Variants in CCDC171 observed in about 807,000 individuals in gnomAD.
The protein encoded by CCDC171 is coiled-coil domain containing 171, also known as coiled-coil domain-containing protein 171.
In CCDC171, 177 loss-of-function variants were observed where a neutral mutation model predicts 168.2. That is an observed-to-expected ratio of 1.05 (90% CI 0.93 to 1.19). The LOEUF (loss-of-function observed/expected upper bound fraction) is 1.19. CCDC171 is among the 50% of genes most tolerant of loss of function. The pLI, the probability that CCDC171 is intolerant of heterozygous loss-of-function variation, is 0.00. For missense variants in CCDC171, 1,991 were observed against 1,539.0 expected (o/e 1.29, Z -4.91); for synonymous variants, 687 against 540.8 (o/e 1.27, Z -3.75).
At chr9:16,053,130 C>T (rs1833778718) in intron 1 of CCDC171, among the ~76,000 whole-genome samples, 1 of 152,224 alleles carries the variant, frequency 6.6e-6, no homozygotes, top group South Asian at 2.1e-4. Context: ...TGTTAAGTTT[C>T]TAAGATCAAA....
rs544805074 is a variant in CCDC171 at position 15,785,480 on chromosome 9, T to A, written c.3267+786T>A. Among the ~76,000 whole-genome samples the A allele has an allele frequency of 3.9e-5, 6 of 152,250 alleles. 1 individual carries two copies. The South Asian group carries it at 1.2e-3, about 32-fold the overall frequency. On this transcript the variant is annotated intron_variant, in intron 21 of 25. Coordinates refer to ENST00000380701, the MANE Select transcript of CCDC171 (RefSeq NM_173550.4). ...TTAATAATACTATTATGATCAATGA[T>A]AAAATAGCCAAAATTTATTGTTAAC... is the stretch of plus-strand genomic sequence containing the variant.
intron 2 of CCDC171, among the ~76,000 whole-genome samples, chr9:15,569,683 C>CG (rs1373688332): frequency 6.6e-6 from 1 of 151,466 alleles, no homozygotes; most frequent in African/African-American, 2.4e-5. Flanking sequence ...GGCGTGGTGG[C>CG]GGGCGCCTGT....
At chr9:15,967,246 C>T (rs1350642016) in intron 25 of CCDC171, among the ~76,000 whole-genome samples, 1 of 152,124 alleles carries the variant, frequency 6.6e-6, no homozygotes, top group Non-Finnish European at 1.5e-5. Flanking sequence ...ACTGTAACAC[C>T]CTCTTGTGGG....
the CCDC171 span, among the ~76,000 whole-genome samples, chr9:16,067,863 T>G: frequency 6.6e-6 from 1 of 152,192 alleles, no homozygotes; most frequent in African/African-American, 2.4e-5. Context: ...TTGGTTACTG[T>G]AGCCTTGTAG....
chr9:15,640,787 C>T (rs2046546852), intron 7 of CCDC171, among the ~76,000 whole-genome samples: 1 of 152,068 alleles, frequency 6.6e-6, no homozygotes, highest in South Asian at 2.1e-4. Context: ...TGATTTAATA[C>T]TGTGATGCCT....
intron 24 of CCDC171, among the ~76,000 whole-genome samples, chr9:15,904,976 C>G (rs1822316633): frequency 6.6e-6 from 1 of 152,050 alleles, no homozygotes; most frequent in African/African-American, 2.4e-5. Context: ...AGCTAACTAT[C>G]CTAAATATAT....
intron 18 of CCDC171, among the ~76,000 whole-genome samples, chr9:15,764,873 G>A (rs973609123): frequency 3.9e-5 from 6 of 152,180 alleles, no homozygotes; most frequent in Non-Finnish European, 2.9e-5. Context: ...GCTGGGGTGG[G>A]ACATAACTGC....
chr9:15,590,305 A>G (rs1319320426), intron 4 of CCDC171, among the ~76,000 whole-genome samples: 1 of 152,250 alleles, frequency 6.6e-6, no homozygotes, highest in Non-Finnish European at 1.5e-5. Context: ...AATATAATTT[A>G]GAAATACTGC....
At chr9:15,867,673 C>G (rs544280797) in intron 23 of CCDC171, among the ~76,000 whole-genome samples, 10 of 152,168 alleles carry the variant, frequency 6.6e-5, no homozygotes, top group Non-Finnish European at 1.5e-4. Context: ...AAAACCTTGA[C>G]AAACTAAAGA....
the CCDC171 span, among the ~76,000 whole-genome samples, chr9:16,075,521 G>A: frequency 6.6e-6 from 1 of 152,066 alleles, no homozygotes; most frequent in Non-Finnish European, 1.5e-5. Context: ...CAGTCTTTGG[G>A]CTATAAACTC....
chr9:16,095,859 CACAT>C, the CCDC171 span, among the ~76,000 whole-genome samples: 1 of 90,596 alleles, frequency 1.1e-5, no homozygotes, highest in Non-Finnish European at 2.2e-5. Context: ...TGTATATACA[CACAT>C]AGGCACATAT....
intron 24 of CCDC171, among the ~76,000 whole-genome samples, chr9:15,880,286 G>T (rs915507254): frequency 6.6e-6 from 1 of 152,136 alleles, no homozygotes; most frequent in African/African-American, 2.4e-5. Context: ...CAAAGTTGTT[G>T]TCTATAGGAG....
chr9:15,571,340 C>T (rs1176423350), intron 2 of CCDC171, among the ~76,000 whole-genome samples: 1 of 152,000 alleles, frequency 6.6e-6, no homozygotes, highest in Non-Finnish European at 1.5e-5. Context: ...CAAAATTATC[C>T]AGCTTGTGAT....
rs192925224 is a variant in CCDC171 at position 15,881,868 on chromosome 9, G to A, written c.3600+7205G>A. Among the ~76,000 whole-genome samples the A allele has an allele frequency of 4.2e-3, 636 of 152,244 alleles. 3 individuals carry two copies. The highest frequency in any genetic ancestry group is 0.01 in the Middle Eastern group (3 of 294). On this transcript the variant is annotated intron_variant, in intron 24 of 25. Coordinates refer to ENST00000380701, the MANE Select transcript of CCDC171 (RefSeq NM_173550.4). ...CATTTATTAACGGCCACTTAGGCTG[G>A]TTCCACATTTTGGCTGTTGTGAATA...
chr9:15,855,561 G>A (rs1478819267), intron 23 of CCDC171, among the ~76,000 whole-genome samples: 2 of 151,840 alleles, frequency 1.3e-5, no homozygotes, highest in South Asian at 2.1e-4. Flanking sequence ...ATTGTGATAA[G>A]GAAGGACTTC....
chr9:15,858,952 T>A (rs538238806), intron 23 of CCDC171, among the ~76,000 whole-genome samples: 18 of 152,210 alleles, frequency 1.2e-4, no homozygotes, highest in African/African-American at 3.9e-4. Context: ...CAGACATCCT[T>A]ACCTTGTTCA....
At chr9:15,762,023 T>C (rs768436668) in intron 18 of CCDC171, among the ~76,000 whole-genome samples, 3 of 152,124 alleles carry the variant, frequency 2.0e-5, no homozygotes, top group Non-Finnish European at 4.4e-5. Flanking sequence ...TTCATGTCTT[T>C]TATAGAATAT....
intron 23 of CCDC171, among the ~76,000 whole-genome samples, chr9:15,862,757 G>T (rs2061615073): frequency 6.6e-6 from 1 of 152,022 alleles, no homozygotes; most frequent in Admixed American, 6.6e-5. Context: ...AGTCCAAACT[G>T]TCATCTTCTT....
chr9:16,025,841 G>A (rs1833265293), intron 6 of CCDC171, among the ~76,000 whole-genome samples: 1 of 152,182 alleles, frequency 6.6e-6, no homozygotes, highest in Admixed American at 6.5e-5. Flanking sequence ...CTTTGGGAGT[G>A]ATGAAATGTT....
Sources: gnomAD v4.1 joint callset for allele counts (sites outside exome capture counted in the v4.1 genomes callset) on GRCh38, gnomAD v4.1.1 for gene constraint, MANE v1.5 for transcripts, NCBI Gene and HGNC (gene_info 2026-07-23, HGNC 2026-07-21) for gene names.